The following BAZ2B variants were observed in gnomAD, a reference collection of about 807,000 sequenced individuals.
BAZ2B encodes the protein bromodomain adjacent to zinc finger domain 2B, also known as bromodomain adjacent to zinc finger domain protein 2B.
BAZ2B carries 91 observed loss-of-function variants against 246.0 expected under a neutral mutation model. That is an observed-to-expected ratio of 0.37 (90% confidence interval 0.31 to 0.44). BAZ2B has a LOEUF of 0.44. Among genes scored for constraint, BAZ2B ranks in the 20% least tolerant of loss-of-function variants. BAZ2B has a pLI of 1.00. For missense variants in BAZ2B, 2,332 were observed against 2,533.7 expected, an observed-to-expected ratio of 0.92 and a Z score of 1.71; for synonymous variants, 855 against 860.0, an observed-to-expected ratio of 0.99 and a Z score of 0.10.
chr2:159,687,366 T>G, the BAZ2B span, among the ~76,000 whole-genome samples: 1 of 152,104 alleles, frequency 6.6e-6, no homozygotes, highest in East Asian at 1.9e-4. Context: ...GATCAGATGG[T>G]TCCAACATTC....
Position 159,337,755 on chromosome 2 carries a change from C to G in BAZ2B, c.5472G>C (p.Glu1824Asp), listed in dbSNP as rs756212864. Reference sequence around the variant, plus strand: ...CCAAGTCCTCCCTTTCTGATGCAGGCTCTGGACACATCCAACCCTATATAT... The same window carrying G: ...CCAAGTCCTCCCTTTCTGATGCAGGGTCTGGACACATCCAACCCTATATAT... ...SLQVKGWMCPEPASEREDLVY... is the reference protein window; with the variant it reads ...SLQVKGWMCPDPASEREDLVY... Residue 1824 changes from glutamate to aspartate, a missense_variant, in exon 32 of 37, where the codon GAG becomes GAC. Glu to Asp is a conservative substitution (Grantham distance 45). Coordinates refer to ENST00000392783, the MANE Select transcript of BAZ2B (RefSeq NM_013450.4). 1 of 1,614,002 alleles carries G rather than the reference C, an allele frequency of 6.2e-7. No homozygotes were observed. The highest frequency in any genetic ancestry group is 2.2e-5 in the East Asian group (1 of 44,880).
chr2:159,418,068 A>G (rs376001951), intron 13 of BAZ2B, among the ~76,000 whole-genome samples: 2 of 152,194 alleles, frequency 1.3e-5, no homozygotes, highest in African/African-American at 4.8e-5. Context: ...AAGGCAGTTA[A>G]GGTTTGGAGT....
intron 2 of BAZ2B, among the ~76,000 whole-genome samples, chr2:159,498,636 T>C (rs2081399551): frequency 1.3e-5 from 2 of 152,186 alleles, no homozygotes; most frequent in South Asian, 4.1e-4. Flanking sequence ...TTTTCAGTAA[T>C]CTAGGGACCA....
intron 4 of BAZ2B, among the ~76,000 whole-genome samples, chr2:159,451,406 A>G (rs13002278): frequency 0.49 from 73,896 of 152,010 alleles, 18,772 homozygotes; most frequent in Middle Eastern, 0.6. Flanking sequence ...TTTACTGGGC[A>G]ATTTAAAAGT....
chr2:159,328,037 C>T (rs1228493594), intron 34 of BAZ2B, among the ~76,000 whole-genome samples: 2 of 141,440 alleles, frequency 1.4e-5, no homozygotes, highest in African/African-American at 5.5e-5. Context: ...TGCACTCCAG[C>T]TTGGGTGATG....
At chr2:159,456,262 TAATA>T (rs1227375880) in intron 3 of BAZ2B, among the ~76,000 whole-genome samples, 1 of 152,046 alleles carries the variant, frequency 6.6e-6, no homozygotes, top group Non-Finnish European at 1.5e-5. Context: ...AACTAATTGG[TAATA>T]ATTGGTAGTA....
intron 1 of BAZ2B, among the ~76,000 whole-genome samples, chr2:159,609,947 A>G (rs933893943): frequency 6.6e-6 from 1 of 152,190 alleles, no homozygotes; most frequent in African/African-American, 2.4e-5. Flanking sequence ...GCCAAATCCC[A>G]GCACTATTTC....
chr2:159,328,069 CGAAAAAA>C (rs2064005548), intron 34 of BAZ2B, among the ~76,000 whole-genome samples: 4 of 111,522 alleles, frequency 3.6e-5, no homozygotes, highest in African/African-American at 4.0e-5. Flanking sequence ...AGCCTCAAAA[CGAAAAAA>C]AAAAAAAAAA....
chr2:159,409,445 CTT>C (rs2066478441), intron 14 of BAZ2B, among the ~76,000 whole-genome samples: 1 of 152,246 alleles, frequency 6.6e-6, no homozygotes, highest in East Asian at 1.9e-4. Context: ...GAATGAAAGT[CTT>C]TATCATATTC....
chr2:159,438,588 C>T lies in BAZ2B; in HGVS notation c.1008G>A (p.Gln336=). ...HQPLPLASES[Q]THSFQSQQKQ... ...TCTGCTGGGATTGGAATGAGTGAGTCTGGGATTCAGACGCAAGAGGTAATG... is the reference window on the plus strand; with the variant it reads ...TCTGCTGGGATTGGAATGAGTGAGTTTGGGATTCAGACGCAAGAGGTAATG... Residue 336 remains glutamine, a synonymous_variant, in exon 8 of 37, where the codon CAG becomes CAA. Transcript: ENST00000392783. 1 of 1,614,138 alleles carries T rather than the reference C, an allele frequency of 6.2e-7. No individual in the cohort carries two copies. The highest frequency in any genetic ancestry group is 8.5e-7 in the Non-Finnish European group (1 of 1,180,002).
chr2:159,464,553 C>T (rs1352478845), intron 3 of BAZ2B: 1 of 152,140 alleles, frequency 6.6e-6, no homozygotes, highest in Non-Finnish European at 1.5e-5. Flanking sequence ...GGACTCGCCA[C>T]TGTAAAACTA....
intron 2 of BAZ2B, among the ~76,000 whole-genome samples, chr2:159,524,575 G>A (rs2084525629): frequency 6.6e-6 from 1 of 151,970 alleles, no homozygotes; most frequent in Non-Finnish European, 1.5e-5. Flanking sequence ...GTTCTGCAGG[G>A]GACACTCTGA....
At chr2:159,568,818 A>G (rs1406621590) in intron 1 of BAZ2B, among the ~76,000 whole-genome samples, 1 of 152,228 alleles carries the variant, frequency 6.6e-6, no homozygotes, top group Non-Finnish European at 1.5e-5. Context: ...TGAATTTTCA[A>G]CAATAATACT....
chr2:159,509,529 G>A (rs1577936663), intron 2 of BAZ2B, among the ~76,000 whole-genome samples: 1 of 152,090 alleles, frequency 6.6e-6, no homozygotes, highest in Non-Finnish European at 1.5e-5. Flanking sequence ...TGTATGTGCT[G>A]AAGCCAGTAT....
chr2:159,372,071 A>C (rs2060911585), intron 27 of BAZ2B, among the ~76,000 whole-genome samples: 1 of 152,200 alleles, frequency 6.6e-6, no homozygotes, highest in Non-Finnish European at 1.5e-5. Flanking sequence ...CAAAACCCTT[A>C]AAAGCAACTG....
At chr2:159,343,898 C>T (rs1443791833) in intron 31 of BAZ2B, among the ~76,000 whole-genome samples, 3 of 151,288 alleles carry the variant, frequency 2.0e-5, no homozygotes, top group South Asian at 2.1e-4. Flanking sequence ...TGGTGGTGGG[C>T]GCCTGTAGTC....
intron 2 of BAZ2B, among the ~76,000 whole-genome samples, chr2:159,553,677 GA>G (rs1314231463): frequency 6.6e-6 from 1 of 151,744 alleles, no homozygotes; most frequent in Non-Finnish European, 1.5e-5. Context: ...TGACATCAAA[GA>G]AAAAAACAGC....
At chr2:159,657,279 A>C in the BAZ2B span, among the ~76,000 whole-genome samples, 3 of 152,146 alleles carry the variant, frequency 2.0e-5, no homozygotes, top group African/African-American at 7.2e-5. Flanking sequence ...TCTTTTGTCA[A>C]AGATCCATTG....
chr2:159,662,741 A>G, the BAZ2B span, among the ~76,000 whole-genome samples: 1 of 151,772 alleles, frequency 6.6e-6, no homozygotes, highest in South Asian at 2.1e-4. Context: ...CATGTTGGCC[A>G]GGCTGGCTTT....
Sources: gnomAD v4.1 joint callset for allele counts (sites outside exome capture counted in the v4.1 genomes callset) on GRCh38, gnomAD v4.1.1 for gene constraint, MANE v1.5 for transcripts, NCBI Gene and HGNC (gene_info 2026-07-23, HGNC 2026-07-21) for gene names.